NTNG2: variants seen among roughly 807,000 people sequenced by gnomAD.
The protein encoded by NTNG2 is netrin G2.
A neutral mutation model predicts 47.6 loss-of-function variants in NTNG2; 15 were observed. The observed-to-expected ratio is 0.32, with a 90% CI of 0.21 to 0.49. The LOEUF (loss-of-function observed/expected upper bound fraction) is 0.49. Among genes scored for constraint, NTNG2 ranks in the 20% least tolerant of loss-of-function variants. The pLI is 0.99. For missense variants in NTNG2, 578 were observed against 764.6 expected, an observed-to-expected ratio of 0.76 and a Z score of 2.88; for synonymous variants, 307 against 324.6, an observed-to-expected ratio of 0.95 and a Z score of 0.58.
At chr9:132,185,492 G>C (rs977379970) in intron 2 of NTNG2, among the ~76,000 whole-genome samples, 1 of 152,156 alleles carries the variant, frequency 6.6e-6, no homozygotes, top group African/African-American at 2.4e-5. Context: ...CCCTCTTTGG[G>C]AAGGCTGCCT....
At chr9:132,203,016 C>T (rs1431467749) in intron 3 of NTNG2, among the ~76,000 whole-genome samples, 1 of 152,152 alleles carries the variant, frequency 6.6e-6, no homozygotes, top group African/African-American at 2.4e-5. Flanking sequence ...GTGTCTCATT[C>T]CTCTGGTTAG....
At chr9:132,224,650 T>G (rs1378219209) in intron 3 of NTNG2, among the ~76,000 whole-genome samples, 1 of 152,250 alleles carries the variant, frequency 6.6e-6, no homozygotes, top group East Asian at 1.9e-4. Flanking sequence ...AATAGGATTC[T>G]ACTAAACCCA....
Position 132,198,254 on chromosome 9 carries a change from G to A in NTNG2, c.502G>A (p.Ala168Thr). The change falls in exon 3 of 8, where the codon GCC becomes ACC. Residue 168 changes from alanine (A) to threonine (T), a missense_variant. Physicochemically the swap from Ala to Thr is moderately conservative, Grantham distance 58 (BLOSUM62 0). Coordinates refer to ENST00000393229, the MANE Select transcript of NTNG2 (RefSeq NM_032536.4). Reference protein sequence around the residue: ...GRTWQPYQFYAEDCMEAFGMS... With the variant: ...GRTWQPYQFYTEDCMEAFGMS... ...CACCTGGCAGCCCTACCAGTTCTAC[G>A]CCGAGGACTGCATGGAGGCCTTCGG... 1 of 1,612,976 alleles carries A rather than the reference G, an allele frequency of 6.2e-7. No homozygotes were observed. The highest frequency in any genetic ancestry group is 8.5e-7 in the Non-Finnish European group (1 of 1,180,020).
At chr9:132,184,556 A>G (rs1216986549) in intron 2 of NTNG2, among the ~76,000 whole-genome samples, 1 of 152,252 alleles carries the variant, frequency 6.6e-6, no homozygotes, top group African/African-American at 2.4e-5. Flanking sequence ...AGCTGTAGAC[A>G]GAAGATGGCT....
chr9:132,210,459 T>C (rs973344085), intron 3 of NTNG2, among the ~76,000 whole-genome samples: 2 of 152,220 alleles, frequency 1.3e-5, no homozygotes, highest in Admixed American at 1.3e-4. Flanking sequence ...CTCTGTCCCT[T>C]CATCAGTCAA....
chr9:132,209,171 A>G (rs1839396937), intron 3 of NTNG2, among the ~76,000 whole-genome samples: 1 of 152,180 alleles, frequency 6.6e-6, no homozygotes, highest in African/African-American at 2.4e-5. Flanking sequence ...GGGTGAACAT[A>G]AGTTTTCGCT....
At chr9:132,212,169 C>T (rs1356365868) in intron 3 of NTNG2, among the ~76,000 whole-genome samples, 2 of 152,166 alleles carry the variant, frequency 1.3e-5, no homozygotes, top group Non-Finnish European at 2.9e-5. Context: ...TCTGGGCTAC[C>T]ACCTGGGCCT....
At chr9:132,195,963 G>T (rs1478532260) in intron 2 of NTNG2, among the ~76,000 whole-genome samples, 1 of 151,962 alleles carries the variant, frequency 6.6e-6, no homozygotes, top group Non-Finnish European at 1.5e-5. Context: ...TAGAGACAGG[G>T]TCTCTCTGTG....
chr9:132,231,681 C>G lies in NTNG2; in HGVS notation c.1054+1086C>G, dbSNP rs1017068115. 9 of 251,154 alleles carry G rather than the reference C, an allele frequency of 3.6e-5. No individual in the cohort carries two copies. The East Asian group carries it at 4.6e-4, about 13-fold the overall frequency. 15.6% of individuals were successfully genotyped at this position (251,154 alleles called of 1,614,324 possible). A position where few individuals can be genotyped will look rare whatever the true frequency, so the allele number is the denominator to read the frequency against. On this transcript the variant is annotated intron_variant, in intron 5 of 7. Transcript: ENST00000393229. The surrounding 1 kb of genome is among the most constrained non-coding windows in gnomAD (Gnocchi z 4.1). ...CCAGAAAGACCCCGACCCCAAAGGCCCTGTGGCCACTGCGGCCACCACAGC... is the reference window on the plus strand; with the variant it reads ...CCAGAAAGACCCCGACCCCAAAGGCGCTGTGGCCACTGCGGCCACCACAGC...
intron 2 of NTNG2, among the ~76,000 whole-genome samples, chr9:132,183,146 A>G (rs7872874): frequency 0.3 from 45,359 of 152,054 alleles, 6,927 homozygotes; most frequent in African/African-American, 0.33. Context: ...CAGGTGCTCC[A>G]TCCTCCTTCT....
rs1283450218 is a variant in NTNG2 at position 132,180,468 on chromosome 9, G to A, written c.213+13424G>A. On this transcript the variant is annotated intron_variant, in intron 2 of 7. Transcript: ENST00000393229. This position sits in a 1 kb window ranked among gnomAD's most constrained non-coding sequence, Gnocchi z 4.2. ...TGTCTCTGCCCCTGTCCCCACCCAG[G>A]CAACATCCAAAACCTTTGCCCACAG... Among the ~76,000 whole-genome samples the A allele has an allele frequency of 1.3e-5, 2 of 152,230 alleles. No homozygotes were observed. The highest frequency in any genetic ancestry group is 4.8e-5 in the African/African-American group (2 of 41,460).
At position 132,231,156 on chromosome 9, in the gene NTNG2, A is replaced by C. The variant is rs978429523; in HGVS notation, c.1054+561A>C. On this transcript the variant is annotated intron_variant, in intron 5 of 7. Transcript: ENST00000393229. The surrounding 1 kb of genome is among the most constrained non-coding windows in gnomAD (Gnocchi z 4.1). ...AGGTCCCAGGGGAGTCGGACCAGGG[A>C]GGGGCATCTGCAGGAGGTGGGGGTC... The C allele has an allele frequency of 1.8e-5, 7 of 380,486 alleles. No individual in the cohort carries two copies. Among genetic ancestry groups the C allele is most frequent in the Non-Finnish European group, 3.2e-5 (6 of 190,220 alleles). The allele number at this position is 380,486 out of a possible 1,614,324, so 23.6% of individuals were successfully genotyped here. A position where few individuals can be genotyped will look rare whatever the true frequency, so the allele number is the denominator to read the frequency against.
rs1338285967 is a variant in NTNG2, at chr9:132,168,006, T to A, written c.213+962T>A. Among the ~76,000 whole-genome samples, 5 of 152,140 alleles carry A rather than the reference T, an allele frequency of 3.3e-5. No homozygotes were observed. In the East Asian group the frequency reaches 9.6e-4, roughly 29 times the overall value. The stretch of plus-strand genomic sequence containing the variant: ...TAGGGTCATTGTGAGGAGTTTGTGG[T>A]TTAATTAACGTAGGTAAAGTGTTCG... On this transcript the variant is annotated intron_variant, in intron 2 of 7. Coordinates refer to ENST00000393229, the MANE Select transcript of NTNG2 (RefSeq NM_032536.4).
chr9:132,209,118 G>A (rs913383939), intron 3 of NTNG2, among the ~76,000 whole-genome samples: 6 of 152,222 alleles, frequency 3.9e-5, no homozygotes, highest in African/African-American at 9.6e-5. Context: ...AGTCTGGGGC[G>A]ATTATGAGTA....
In NTNG2 at chr9:132,182,890, C is replaced by T. The variant is rs1046371364; in HGVS notation, c.214-15076C>T. Among the ~76,000 whole-genome samples, 1 of 152,058 alleles carries T rather than the reference C, an allele frequency of 6.6e-6. No individual in the cohort carries two copies. The highest frequency in any genetic ancestry group is 6.5e-5 in the Admixed American group (1 of 15,268). On this transcript the variant is annotated intron_variant, in intron 2 of 7. Coordinates refer to ENST00000393229, the MANE Select transcript of NTNG2 (RefSeq NM_032536.4). The surrounding 1 kb of genome is among the most constrained non-coding windows in gnomAD (Gnocchi z 4.2). ...TGGGAGCTTTTCATTCCCCCCCTGC[C>T]GCAGCTGCCCCCCAGACCAGCTTCA...
chr9:132,186,470 C>T lies in NTNG2; in HGVS notation c.214-11496C>T, dbSNP rs1383956964. On this transcript the variant is annotated intron_variant, in intron 2 of 7. Transcript: ENST00000393229. The stretch of plus-strand genomic sequence containing the variant: ...AGCCATGGCAATGCCTCCCCGCCCA[C>T]CACACTCTGGTGGTTCGGCTGACGG... Among the ~76,000 whole-genome samples the T allele has an allele frequency of 2.0e-5, 3 of 152,262 alleles. 1 individual carries two copies. The South Asian group carries it at 6.2e-4, about 31-fold the overall frequency.
intron 3 of NTNG2, among the ~76,000 whole-genome samples, chr9:132,204,815 C>T: frequency 6.6e-6 from 1 of 152,106 alleles, no homozygotes; most frequent in East Asian, 1.9e-4. Context: ...GTGGCTCGTG[C>T]CTGTAATCCT....
intron 6 of NTNG2, chr9:132,240,590 T>G: frequency 1.3e-5 from 6 of 456,166 alleles, no homozygotes; most frequent in Non-Finnish European, 1.2e-5. Context: ...TCATAGCTCT[T>G]TGGAGATGGG....
chr9:132,234,721 A>G (rs905587340), intron 5 of NTNG2, among the ~76,000 whole-genome samples: 3 of 152,244 alleles, frequency 2.0e-5, no homozygotes, highest in Admixed American at 2.0e-4. Context: ...CAGGCTCTGA[A>G]GCAAATGCCT....
Sources: allele counts gnomAD v4.1 joint callset (sites outside exome capture counted in the v4.1 genomes callset), GRCh38; gene constraint gnomAD v4.1.1; non-coding constraint Gnocchi (gnomAD v3.1); transcripts MANE v1.5; gene names NCBI Gene and HGNC (gene_info 2026-07-23, HGNC 2026-07-21).